CHD8: variants seen among roughly 807,000 people sequenced by gnomAD.
CHD8 encodes the protein chromodomain helicase DNA binding protein 8, also known as ATP-dependent chromatin remodeler CHD8.
CHD8 carries 31 observed loss-of-function variants against 279.2 expected under a neutral mutation model. That is an observed-to-expected ratio of 0.11 (90% CI 0.08 to 0.15). CHD8 has a LOEUF of 0.15. Ranked by LOEUF, CHD8 falls within the 10% of genes least tolerant of loss-of-function variation. The pLI, the probability that CHD8 is intolerant of heterozygous loss-of-function variation, is 1.00. For synonymous variants in CHD8, 1,081 were observed against 1,139.6 expected (o/e 0.95, Z 1.04); for missense variants, 2,146 against 3,230.5 (o/e 0.66, Z 8.14).
Position 21,394,429 on chromosome 14 carries a change from T to C in CHD8, c.5447A>G (p.Glu1816Gly), listed in dbSNP as rs758946512. The C allele has an allele frequency of 6.2e-7, 1 of 1,613,464 alleles. No homozygotes were observed. Among genetic ancestry groups the C allele is most frequent in the East Asian group, 2.2e-5 (1 of 44,848 alleles). The stretch of plus-strand genomic sequence containing the variant: ...GAACTGCATGGTGTCAGGGTCATAT[T>C]CCACACCAAACGTAGACACCACTCG... ...FYRVVSTFGVEYDPDTMQFHW... is the reference protein window; with the variant it reads ...FYRVVSTFGVGYDPDTMQFHW... Residue 1816 changes from glutamate (E) to glycine (G), a missense_variant, in exon 31 of 38, where the codon GAA becomes GGA. Glu to Gly is a moderately conservative substitution (Grantham distance 98, BLOSUM62 -2). Around this residue, in one of 26 missense-constraint regions of CHD8, gnomAD observed 513 missense variants for 637.6 expected, o/e 0.80. Transcript: ENST00000646647.
chr14:21,454,017 G>C (rs552481574), intron 1 of CHD8, among the ~76,000 whole-genome samples: 1 of 151,808 alleles, frequency 6.6e-6, no homozygotes, highest in East Asian at 1.9e-4. Context: ...AATTAGCCAA[G>C]CATGGTGGCG....
rs768969862 is a variant in CHD8 at position 21,400,621 on chromosome 14, C to G, written c.4371-9G>C. ...CTCGCCATCGTCCCCAACTAAAAAACAGAAAACTATATTAACATTTTTCTG... is the reference window on the plus strand; with the variant it reads ...CTCGCCATCGTCCCCAACTAAAAAAGAGAAAACTATATTAACATTTTTCTG... On this transcript the variant is annotated splice_polypyrimidine_tract_variant and intron_variant, in intron 22 of 37. Transcript: ENST00000646647. The surrounding 1 kb of genome is among the most constrained non-coding windows in gnomAD (Gnocchi z 4.2). 1 of 1,561,058 alleles carries G rather than the reference C, an allele frequency of 6.4e-7. No homozygotes were observed. The highest frequency in any genetic ancestry group is 1.2e-5 in the South Asian group (1 of 82,058).
At chr14:21,450,144 A>G (rs1890222748) in intron 1 of CHD8, among the ~76,000 whole-genome samples, 1 of 152,226 alleles carries the variant, frequency 6.6e-6, no homozygotes, top group Non-Finnish European at 1.5e-5. Context: ...AATGAAAAAA[A>G]AGATGAAAAA....
At chr14:21,425,658 G>T (rs1375578840) in intron 5 of CHD8, 1 of 152,616 alleles carries the variant, frequency 6.6e-6, no homozygotes, top group Admixed American at 6.6e-5. Flanking sequence ...TATGCTCTTT[G>T]CCTAAAAAAA....
chr14:21,414,466 G>A, intron 8 of CHD8, 48 bp from the exon 9 acceptor site: 1 of 1,013,532 alleles, frequency 9.9e-7, no homozygotes, highest in Non-Finnish European at 1.5e-6. Flanking sequence ...AAAGAAGGTG[G>A]CAGGCTACTG....
rs1887940403 is a variant in CHD8, at chr14:21,399,539, A to C, written c.4921+63T>G. 5.0e-6 allele frequency: 6 copies of C among 1,190,002 alleles called. No individual in the cohort carries two copies. In the Admixed American group the frequency reaches 8.6e-5, roughly 17 times the overall value. The allele number at this position is 1,190,002 out of a possible 1,614,324, so 73.7% of individuals were successfully genotyped here. A position where few individuals can be genotyped will look rare whatever the true frequency, so the allele number is the denominator to read the frequency against. ...GTTATTTCTCAGGAGCATTTTGCTA[A>C]ATGTTCCATCCGTGAACATAAATCT... On this transcript the variant is annotated intron_variant, in intron 26 of 37. Transcript: ENST00000646647.
In CHD8 at chr14:21,408,038, C is replaced by T. The variant is rs1323221055; in HGVS notation, c.2730+274G>A. On this transcript the variant is annotated intron_variant, in intron 13 of 37. Coordinates refer to ENST00000646647, the MANE Select transcript of CHD8 (RefSeq NM_001170629.2). The surrounding 1 kb of genome is among the most constrained non-coding windows in gnomAD (Gnocchi z 4.3). The stretch of plus-strand genomic sequence containing the variant: ...TTTGTAAAATACTGTGATTAAAATT[C>T]ATTGATGCTGACAAAATTCTACTTA... Among the ~76,000 whole-genome samples, 2 of 152,120 alleles carry T rather than the reference C, an allele frequency of 1.3e-5. No individual in the cohort carries two copies. The highest frequency in any genetic ancestry group is 2.9e-5 in the Non-Finnish European group (2 of 68,022).
intron 1 of CHD8, among the ~76,000 whole-genome samples, chr14:21,443,773 G>A (rs1015074613): frequency 2.0e-5 from 3 of 149,024 alleles, no homozygotes; most frequent in African/African-American, 4.9e-5. Flanking sequence ...GGAGAATGGC[G>A]TGAACCCGGG....
chr14:21,445,307 C>CA (rs1890084806), intron 1 of CHD8, among the ~76,000 whole-genome samples: 1 of 152,188 alleles, frequency 6.6e-6, no homozygotes, highest in African/African-American at 2.4e-5. Flanking sequence ...CGCCGTGGCT[C>CA]ACACCTGTAA....
intron 1 of CHD8, among the ~76,000 whole-genome samples, chr14:21,441,162 C>G (rs749334833): frequency 6.6e-6 from 1 of 152,142 alleles, no homozygotes; most frequent in Non-Finnish European, 1.5e-5. Context: ...ACCAGTTAGA[C>G]AATATTTGGC....
Position 21,415,926 on chromosome 14 carries a change from T to C in CHD8, c.1717-19A>G, listed in dbSNP as rs1888702527. ...GTCTCTTCTGTAGAGCAAAAAGTAG[T>C]TAGAGTGACTAGTTAGGTCTCTCAC... On this transcript the variant is annotated intron_variant, in intron 5 of 37. Transcript: ENST00000646647. The C allele has an allele frequency of 6.2e-7, 1 of 1,602,630 alleles. No homozygotes were observed. Among genetic ancestry groups the C allele is most frequent in the African/African-American group, 1.3e-5 (1 of 74,358 alleles).
chr14:21,434,461 T>C (rs1019748259), intron 1 of CHD8, among the ~76,000 whole-genome samples: 7 of 152,056 alleles, frequency 4.6e-5, no homozygotes, highest in African/African-American at 1.4e-4. Flanking sequence ...GCTCTTCCTT[T>C]CCCCCATAAT....
rs1325764078 is a variant in CHD8, at chr14:21,400,090, A to G, written c.4728-20T>C. On this transcript the variant is annotated intron_variant, in intron 24 of 37. Coordinates refer to ENST00000646647, the MANE Select transcript of CHD8 (RefSeq NM_001170629.2). This position sits in a 1 kb window ranked among gnomAD's most constrained non-coding sequence, Gnocchi z 4.2. Reference sequence around the variant, plus strand: ...AGTACCCTAGAAAGGACAGAGGAAGAGCTGGCTCAGTAACACTGTAGAAGT... The same window carrying G: ...AGTACCCTAGAAAGGACAGAGGAAGGGCTGGCTCAGTAACACTGTAGAAGT... 1 of 1,613,266 alleles carries G rather than the reference A, an allele frequency of 6.2e-7. No individual in the cohort carries two copies. The highest frequency in any genetic ancestry group is 8.5e-7 in the Non-Finnish European group (1 of 1,179,428).
chr14:21,434,715 T>C (rs936307098), intron 1 of CHD8, among the ~76,000 whole-genome samples: 1 of 152,200 alleles, frequency 6.6e-6, no homozygotes, highest in East Asian at 1.9e-4. Context: ...CATTCTCACC[T>C]ATACTGACCC....
At chr14:21,444,788 C>T (rs1890072618) in intron 1 of CHD8, among the ~76,000 whole-genome samples, 1 of 152,058 alleles carries the variant, frequency 6.6e-6, no homozygotes, top group South Asian at 2.1e-4. Flanking sequence ...TCTTTTCATT[C>T]TATACTTTCT....
At chr14:21,421,418 T>C (rs1260905745) in intron 5 of CHD8, among the ~76,000 whole-genome samples, 9 of 151,832 alleles carry the variant, frequency 5.9e-5, no homozygotes, top group African/African-American at 1.9e-4. Context: ...TGCATGAATA[T>C]TGCCAATTTT....
chr14:21,399,739 A>C, intron 25 of CHD8, 34 bp from the exon 26 acceptor site: 1 of 1,401,982 alleles, frequency 7.1e-7, no homozygotes, highest in Non-Finnish European at 1.0e-6. Flanking sequence ...CAGCACAGAA[A>C]TGCAGGAAAT....
chr14:21,427,374 GCTTACT>G (rs1889368552), intron 4 of CHD8: 2 of 522,486 alleles, frequency 3.8e-6, no homozygotes. Flanking sequence ...ACTCACTTGA[GCTTACT>G]CTTGCACGTC....
At chr14:21,428,760 C>T (rs988383428) in intron 3 of CHD8, among the ~76,000 whole-genome samples, 2 of 152,016 alleles carry the variant, frequency 1.3e-5, no homozygotes, top group African/African-American at 4.8e-5. Flanking sequence ...AATCTCATAT[C>T]CCAAACCCAA....
Sources: allele counts gnomAD v4.1 joint callset (sites outside exome capture counted in the v4.1 genomes callset), GRCh38; gene constraint gnomAD v4.1.1; regional missense constraint gnomAD v4.1.1; non-coding constraint Gnocchi (gnomAD v3.1); transcripts MANE v1.5; gene names NCBI Gene and HGNC (gene_info 2026-07-23, HGNC 2026-07-21).